The following SMARCA4 variants were observed in gnomAD, a reference collection of about 807,000 sequenced individuals.
SMARCA4 encodes SWI/SNF related BAF chromatin remodeling complex subunit ATPase 4, also known as SWI/SNF-related matrix-associated actin-dependent regulator of chromatin subfamily A member 4.
In SMARCA4, 31 loss-of-function variants were observed where a neutral mutation model predicts 193.9. That is an observed-to-expected ratio of 0.16 (90% CI 0.12 to 0.22). SMARCA4 has a LOEUF of 0.22. Among genes scored for constraint, SMARCA4 ranks in the 10% least tolerant of loss-of-function variants. The pLI is 1.00. For synonymous variants in SMARCA4, 942 were observed against 933.1 expected (o/e 1.01, Z -0.17); for missense variants, 1,148 against 2,296.0 (o/e 0.50, Z 10.22).
chr19:10,977,479 A>G (rs1223663384), intron 1 of SMARCA4, among the ~76,000 whole-genome samples: 1 of 151,854 alleles, frequency 6.6e-6, no homozygotes, highest in Non-Finnish European at 1.5e-5. Flanking sequence ...ATGCACCACC[A>G]TACCCAGCTA....
At chr19:11,060,787 C>G (rs1003278789) in intron 34 of SMARCA4, among the ~76,000 whole-genome samples, 2 of 152,188 alleles carry the variant, frequency 1.3e-5, no homozygotes, top group Non-Finnish European at 2.9e-5. Flanking sequence ...GGGGGCTGCC[C>G]CCACCGAAGG....
intron 1 of SMARCA4, chr19:10,983,710 A>G: frequency 4.9e-6 from 1 of 202,392 alleles, no homozygotes; most frequent in Non-Finnish European, 1.0e-5. Flanking sequence ...CTGGGATTAC[A>G]GGTGTGAGCC....
In SMARCA4 at chr19:11,019,743, G is replaced by A. The variant is rs779287010; in HGVS notation, c.2616+42G>A. The A allele has an allele frequency of 7.2e-7, 1 of 1,389,774 alleles. No homozygotes were observed. The highest frequency in any genetic ancestry group is 1.0e-6 in the Non-Finnish European group (1 of 980,914). The allele number at this position is 1,389,774 out of a possible 1,614,324, so 86.1% of individuals were successfully genotyped here. On this transcript the variant is annotated intron_variant, in intron 18 of 34. Coordinates refer to ENST00000344626, the MANE Select transcript of SMARCA4 (RefSeq NM_003072.5). This position sits in a 1 kb window ranked among gnomAD's most constrained non-coding sequence, Gnocchi z 6.1. ...GGAAATGCCAGGCCATGGGCCGAGT[G>A]CTCACACGTGGGTCACGCTGCCCGT...
chr19:10,993,839 G>C (rs2086770872), intron 8 of SMARCA4, among the ~76,000 whole-genome samples: 5 of 151,842 alleles, frequency 3.3e-5, no homozygotes, highest in Admixed American at 3.3e-4. Context: ...TAGAGACGGG[G>C]TTTCACCATG....
At chr19:10,995,792 C>T in intron 9 of SMARCA4, 1 of 360,178 alleles carries the variant, frequency 2.8e-6, no homozygotes, top group Non-Finnish European at 5.5e-6. Flanking sequence ...GAGTTCTGAT[C>T]ATGAAGGGGA....
chr19:11,005,858 G>A (rs548115760), intron 13 of SMARCA4, among the ~76,000 whole-genome samples: 2 of 152,280 alleles, frequency 1.3e-5, no homozygotes, highest in East Asian at 3.9e-4. Flanking sequence ...TGGTCAACTC[G>A]CTGAGCTCTG....
chr19:11,056,039 G>C (rs2076530840), intron 30 of SMARCA4, among the ~76,000 whole-genome samples: 2 of 152,218 alleles, frequency 1.3e-5, no homozygotes, highest in African/African-American at 2.4e-5. Flanking sequence ...ATTGTAACAG[G>C]TATAGGGTGG....
At chr19:11,049,432 C>T (rs542696253) in intron 30 of SMARCA4, among the ~76,000 whole-genome samples, 134 of 151,258 alleles carry the variant, frequency 8.9e-4, no homozygotes, top group African/African-American at 3.1e-3. Context: ...GGGTCAGGTT[C>T]GGGCTTGTGG....
At position 11,019,192 on chromosome 19, in the gene SMARCA4, A is replaced by G; in HGVS notation, c.2505+169A>G. 1.4e-6 allele frequency: 1 copy of G among 701,980 alleles called. No homozygotes were observed. 43.5% of individuals were successfully genotyped at this position (701,980 alleles called of 1,614,324 possible). A position where few individuals can be genotyped will look rare whatever the true frequency, so the allele number is the denominator to read the frequency against. On this transcript the variant is annotated intron_variant, in intron 17 of 34. Coordinates refer to ENST00000344626, the MANE Select transcript of SMARCA4 (RefSeq NM_003072.5). This position sits in a 1 kb window ranked among gnomAD's most constrained non-coding sequence, Gnocchi z 6.1. ...CAGTCACATGGATCCGGGAGTTTGG[A>G]CTGGGCAGGGACAGGGCAGATTAGC...
intron 8 of SMARCA4, among the ~76,000 whole-genome samples, chr19:10,992,008 G>A (rs2086600618): frequency 6.6e-6 from 1 of 152,034 alleles, no homozygotes; most frequent in South Asian, 2.1e-4. Flanking sequence ...GGGGATGATT[G>A]TGCTGATTTG....
At chr19:10,967,231 G>A (rs1417772729) in intron 1 of SMARCA4, among the ~76,000 whole-genome samples, 1 of 152,156 alleles carries the variant, frequency 6.6e-6, no homozygotes, top group Non-Finnish European at 1.5e-5. Flanking sequence ...GTTGTTACAG[G>A]GCAGAGAGAA....
At chr19:10,973,528 G>A (rs914174673) in intron 1 of SMARCA4, among the ~76,000 whole-genome samples, 2 of 151,080 alleles carry the variant, frequency 1.3e-5, no homozygotes, top group Non-Finnish European at 2.9e-5. Context: ...AGCCTCCCGA[G>A]TAGCTGGGAC....
Position 11,019,133 on chromosome 19 carries a change from A to G in SMARCA4, c.2505+110A>G. 4.8e-6 allele frequency: 4 copies of G among 834,904 alleles called. No individual in the cohort carries two copies. Among genetic ancestry groups the G allele is most frequent in the Non-Finnish European group, 6.2e-6 (3 of 483,678 alleles). 51.7% of individuals were successfully genotyped at this position (834,904 alleles called of 1,614,324 possible). ...GTGAACCTGAGAATGCTGGGTCTCC[A>G]GTCGCATGGAGTCTCCAGGACAGCC... On this transcript the variant is annotated intron_variant, in intron 17 of 34. Coordinates refer to ENST00000344626, the MANE Select transcript of SMARCA4 (RefSeq NM_003072.5). The surrounding 1 kb of genome is among the most constrained non-coding windows in gnomAD (Gnocchi z 6.1).
intron 30 of SMARCA4, among the ~76,000 whole-genome samples, chr19:11,051,491 CT>C (rs554212827): frequency 2.4e-3 from 319 of 133,488 alleles, no homozygotes; most frequent in East Asian, 0.011. Context: ...GACATATTTC[CT>C]TTTTTTTTTT....
At chr19:11,017,122 A>T (rs1051991655) in intron 16 of SMARCA4, among the ~76,000 whole-genome samples, 1 of 152,116 alleles carries the variant, frequency 6.6e-6, no homozygotes, top group African/African-American at 2.4e-5. Context: ...GTTAAGCTGA[A>T]CGTGAGTTCA....
chr19:11,023,638 G>C lies in SMARCA4; in HGVS notation c.2973+7G>C. 6.4e-7 allele frequency: 1 copy of C among 1,569,340 alleles called. No individual in the cohort carries two copies. The highest frequency in any genetic ancestry group is 8.7e-7 in the Non-Finnish European group (1 of 1,144,096). On this transcript the variant is annotated splice_region_variant and intron_variant, in intron 20 of 34. Transcript: ENST00000344626. ...GGCCCAGTTGCCCGAAAAGGTGATG[G>C]AGTTTTGAGGGGAGCCACCAGTGAA...
chr19:10,984,443 G>A lies in SMARCA4; in HGVS notation c.222+70G>A, dbSNP rs546949378. On this transcript the variant is annotated intron_variant, in intron 2 of 34. Coordinates refer to ENST00000344626, the MANE Select transcript of SMARCA4 (RefSeq NM_003072.5). This position sits in a 1 kb window ranked among gnomAD's most constrained non-coding sequence, Gnocchi z 4.3. ...TAGGGCTGCAGGCAGCCTCTGGACCGAGGGCCTTACTTGGAGGATGGGGGG... is the reference window on the plus strand; with the variant it reads ...TAGGGCTGCAGGCAGCCTCTGGACCAAGGGCCTTACTTGGAGGATGGGGGG... The A allele has an allele frequency of 6.1e-5, 94 of 1,549,016 alleles. 2 individuals are homozygous for A. The South Asian group carries it at 6.4e-4, about 11-fold the overall frequency.
intron 16 of SMARCA4, among the ~76,000 whole-genome samples, chr19:11,014,154 A>G (rs2089136263): frequency 6.6e-6 from 1 of 152,108 alleles, no homozygotes; most frequent in Non-Finnish European, 1.5e-5. Context: ...CCAGGCACTC[A>G]TTGGGACCAC....
intron 19 of SMARCA4, among the ~76,000 whole-genome samples, chr19:11,023,201 G>A (rs2090000429): frequency 6.6e-6 from 1 of 152,208 alleles, no homozygotes; most frequent in African/African-American, 2.4e-5. Flanking sequence ...ACTCCAGTTT[G>A]TGTTACTCGT....
Sources: allele counts gnomAD v4.1 joint callset (sites outside exome capture counted in the v4.1 genomes callset), GRCh38; gene constraint gnomAD v4.1.1; non-coding constraint Gnocchi (gnomAD v3.1); transcripts MANE v1.5; gene names NCBI Gene and HGNC (gene_info 2026-07-23, HGNC 2026-07-21).